KCNQ4: variants seen among roughly 807,000 people sequenced by gnomAD.
The protein encoded by KCNQ4 is potassium voltage-gated channel subfamily KQT member 4.
A neutral mutation model predicts 72.6 loss-of-function variants in KCNQ4; 31 were observed. The ratio of observed to expected loss-of-function variants is 0.43; its 90% CI spans 0.32 to 0.58. The LOEUF is 0.58. Ranked by LOEUF, KCNQ4 falls within the 20% of genes least tolerant of loss-of-function variation. The pLI is 0.08. For synonymous variants in KCNQ4, 405 were observed against 403.7 expected (o/e 1.00, Z -0.04); for missense variants, 869 against 962.6 (o/e 0.90, Z 1.29).
rs888792594 is a variant in KCNQ4, at chr1:40,817,059, G to A, written c.315-206G>A. ...GCAGCAGGGGGCAATTGAGATAGTT[G>A]TGAGGTCCAGTAGCTTGGGGCTTGA... On this transcript the variant is annotated intron_variant, in intron 1 of 13. Coordinates refer to ENST00000347132, the MANE Select transcript of KCNQ4 (RefSeq NM_004700.4). This position sits in a 1 kb window ranked among gnomAD's most constrained non-coding sequence, Gnocchi z 5.5. 6.6e-6 allele frequency among the ~76,000 whole-genome samples: 1 copy of A among 152,266 alleles called. No homozygotes were observed. The highest frequency in any genetic ancestry group is 2.1e-4 in the South Asian group (1 of 4,832).
chr1:40,827,627 G>A (rs1275176407), intron 9 of KCNQ4, among the ~76,000 whole-genome samples: 5 of 152,186 alleles, frequency 3.3e-5, no homozygotes, highest in African/African-American at 1.2e-4. Context: ...TGTGGGCTGG[G>A]GTCCCGGAGC....
chr1:40,784,457 C>A lies in KCNQ4; in HGVS notation c.314+50C>A. ...CCGCGTTTCCCCGCGCAAGCCTGGC[C>A]TCCCGGGGCACGGCCGCCCCGCCCT... On this transcript the variant is annotated intron_variant, in intron 1 of 13. Coordinates refer to ENST00000347132, the MANE Select transcript of KCNQ4 (RefSeq NM_004700.4). The surrounding 1 kb of genome is among the most constrained non-coding windows in gnomAD (Gnocchi z 4.1). 1.9e-6 allele frequency: 3 copies of A among 1,572,442 alleles called. No homozygotes were observed. Among genetic ancestry groups the A allele is most frequent in the Non-Finnish European group, 2.6e-6 (3 of 1,154,024 alleles).
At chr1:40,829,852 G>T (rs1272318598) in intron 9 of KCNQ4, among the ~76,000 whole-genome samples, 1 of 152,156 alleles carries the variant, frequency 6.6e-6, no homozygotes, top group Non-Finnish European at 1.5e-5. Context: ...CACAGGGCAT[G>T]GGATGGAGGA....
At chr1:40,792,809 G>A (rs890098990) in intron 1 of KCNQ4, among the ~76,000 whole-genome samples, 6 of 152,100 alleles carry the variant, frequency 3.9e-5, no homozygotes, top group East Asian at 1.9e-4. Context: ...AAATACATTC[G>A]CCCTATTTTA....
chr1:40,807,513 C>T (rs899564119), intron 1 of KCNQ4, among the ~76,000 whole-genome samples: 3 of 152,148 alleles, frequency 2.0e-5, no homozygotes, highest in Admixed American at 2.0e-4. Flanking sequence ...GAAACTTCTC[C>T]TCCCAGCCCC....
chr1:40,800,371 G>C (rs1013458703), intron 1 of KCNQ4, among the ~76,000 whole-genome samples: 4 of 152,170 alleles, frequency 2.6e-5, no homozygotes, highest in African/African-American at 7.2e-5. Context: ...TGGTCTTCTA[G>C]GTCATTATGA....
rs757017689 is a variant in KCNQ4, at chr1:40,831,115, A to C, written c.1324A>C (p.Met442Leu). Residue 442 changes from methionine (M) to leucine (L), a missense_variant, in exon 10 of 14, where the codon ATG becomes CTG. This residue lies in a region of KCNQ4 where 480 missense variants were observed against 501.9 expected (regional missense o/e 0.96). Coordinates refer to ENST00000347132, the MANE Select transcript of KCNQ4 (RefSeq NM_004700.4). ...SRMGIKDRIR[M>L]GSSQRRTGPS... ...GATGGGCATCAAAGACCGCATCCGC[A>C]TGGGCAGCTCCCAGCGGCGGACGGG... is the stretch of plus-strand genomic sequence containing the variant. 1 of 1,607,308 alleles carries C rather than the reference A, an allele frequency of 6.2e-7. No individual in the cohort carries two copies. Among genetic ancestry groups the C allele is most frequent in the South Asian group, 1.1e-5 (1 of 89,808 alleles).
At chr1:40,791,013 A>C (rs1379381712) in intron 1 of KCNQ4, among the ~76,000 whole-genome samples, 2 of 151,892 alleles carry the variant, frequency 1.3e-5, no homozygotes, top group Admixed American at 1.3e-4. Flanking sequence ...CGAGAGATAA[A>C]AGTAGAGCCA....
rs369398968 is a variant in KCNQ4 at position 40,837,140 on chromosome 1, T to C, written c.1746-525T>C. 2.0e-5 allele frequency among the ~76,000 whole-genome samples: 3 copies of C among 151,234 alleles called. No homozygotes were observed. In the East Asian group the frequency reaches 5.8e-4, roughly 29 times the overall value. On this transcript the variant is annotated intron_variant, in intron 12 of 13. Transcript: ENST00000347132. ...TCTTGCTCTGTCGCCCAGGCTGGAG[T>C]GCAGTGGTGCAATCACAGCGCACTG...
rs924665200 is a variant in KCNQ4, at chr1:40,794,761, A to C, written c.314+10354A>C. Among the ~76,000 whole-genome samples, 2 of 152,184 alleles carry C rather than the reference A, an allele frequency of 1.3e-5. No homozygotes were observed. The highest frequency in any genetic ancestry group is 4.8e-5 in the African/African-American group (2 of 41,454). On this transcript the variant is annotated intron_variant, in intron 1 of 13. Transcript: ENST00000347132. This position sits in a 1 kb window ranked among gnomAD's most constrained non-coding sequence, Gnocchi z 4.2. ...GGCAAAATAAAAAGTTGACAACCTT[A>C]TGCAGTCCCCAAAGTGTTTTTGGAA...
chr1:40,828,682 A>T (rs1294317490), intron 9 of KCNQ4, among the ~76,000 whole-genome samples: 1 of 152,254 alleles, frequency 6.6e-6, no homozygotes, highest in East Asian at 1.9e-4. Flanking sequence ...AACTGAAAGA[A>T]CTAAGGCAGC....
intron 7 of KCNQ4, 64 bp downstream of exon 7, chr1:40,820,324 C>A: frequency 7.3e-7 from 1 of 1,370,796 alleles, no homozygotes. Flanking sequence ...TGTGTCAACC[C>A]TGTGTGCTGA....
Position 40,838,749 on chromosome 1 carries a change from CA to C in KCNQ4, c.*227del, listed in dbSNP as rs911607145. The C allele has an allele frequency of 8.9e-5, 54 of 604,686 alleles. No homozygotes were observed. The highest frequency in any genetic ancestry group is 1.2e-4 in the Non-Finnish European group (39 of 337,350). 37.5% of individuals were successfully genotyped at this position (604,686 alleles called of 1,614,324 possible). A position where few individuals can be genotyped will look rare whatever the true frequency, so the allele number is the denominator to read the frequency against. ...TGCCAGGTCGCACAGAGGGCAGCAG[CA>C]GCGGCCGTCCCGCGGCCTCTGGGCC... On this transcript the variant is annotated 3_prime_UTR_variant, in exon 14 of 14. Transcript: ENST00000347132.
intron 10 of KCNQ4, among the ~76,000 whole-genome samples, chr1:40,832,088 G>A (rs747253410): frequency 7.2e-5 from 11 of 152,232 alleles, no homozygotes; most frequent in Non-Finnish European, 1.2e-4. Flanking sequence ...CTGTGATTTA[G>A]GCAGGAGACT....
At chr1:40,789,261 C>A (rs1171946086) in intron 1 of KCNQ4, among the ~76,000 whole-genome samples, 2 of 152,114 alleles carry the variant, frequency 1.3e-5, no homozygotes, top group African/African-American at 4.8e-5. Context: ...CACCAAGACA[C>A]AGAAAGGGGC....
intron 3 of KCNQ4, 42 bp from the exon 4 acceptor site, chr1:40,818,463 C>T (rs1212819987): frequency 3.8e-6 from 6 of 1,597,784 alleles, no homozygotes; most frequent in Non-Finnish European, 5.1e-6. Flanking sequence ...GGTCCGTGCG[C>T]GGGGTAGGCT....
At chr1:40,813,181 T>C (rs1400908715) in intron 1 of KCNQ4, among the ~76,000 whole-genome samples, 2 of 152,110 alleles carry the variant, frequency 1.3e-5, no homozygotes, top group African/African-American at 2.4e-5. Flanking sequence ...TGCAGGGCCT[T>C]GTTGTCAGTG....
At chr1:40,815,205 A>G (rs1298082851) in intron 1 of KCNQ4, among the ~76,000 whole-genome samples, 1 of 150,298 alleles carries the variant, frequency 6.7e-6, no homozygotes, top group Non-Finnish European at 1.5e-5. Context: ...ACACCACTGC[A>G]CTTCAGCCTG....
In KCNQ4 at chr1:40,815,508, C is replaced by T. The variant is rs183661516; in HGVS notation, c.315-1757C>T. On this transcript the variant is annotated intron_variant, in intron 1 of 13. Coordinates refer to ENST00000347132, the MANE Select transcript of KCNQ4 (RefSeq NM_004700.4). ...CCGATGCAGGTACATGTGGCCGCTGCCTTTTTTGTGATTAATTATTGAACA... is the reference window on the plus strand; with the variant it reads ...CCGATGCAGGTACATGTGGCCGCTGTCTTTTTTGTGATTAATTATTGAACA... Among the ~76,000 whole-genome samples the T allele has an allele frequency of 1.4e-3, 216 of 152,238 alleles. 1 individual carries two copies. The highest frequency in any genetic ancestry group is 2.1e-3 in the Non-Finnish European group (146 of 68,010).
Sources: allele counts gnomAD v4.1 joint callset (sites outside exome capture counted in the v4.1 genomes callset), GRCh38; gene constraint gnomAD v4.1.1; regional missense constraint gnomAD v4.1.1; non-coding constraint Gnocchi (gnomAD v3.1); transcripts MANE v1.5; gene names NCBI Gene and HGNC (gene_info 2026-07-23, HGNC 2026-07-21).